CYP2C18: variants seen among roughly 807,000 people sequenced by gnomAD.
CYP2C18 encodes cytochrome P450 family 2 subfamily C member 18.
A neutral mutation model predicts 41.3 loss-of-function variants in CYP2C18; 38 were observed. The observed-to-expected ratio is 0.92, with a 90% CI of 0.71 to 1.21. The LOEUF (loss-of-function observed/expected upper bound fraction) is 1.21, where lower values mean the gene tolerates loss of function less well. Among genes scored for constraint, CYP2C18 ranks in the 50% most tolerant of loss-of-function variants. The probability of loss-of-function intolerance (pLI) is 0.00; values close to 1 mark genes in which losing one functional copy is unlikely to be tolerated. For synonymous variants in CYP2C18, 236 were observed against 210.0 expected (o/e 1.12, Z -1.07); for missense variants, 635 against 591.4 (o/e 1.07, Z -0.77).
At chr10:94,693,729 C>G (rs905367610) in intron 3 of CYP2C18, among the ~76,000 whole-genome samples, 2 of 152,200 alleles carry the variant, frequency 1.3e-5, no homozygotes, top group Admixed American at 1.3e-4. Flanking sequence ...GAGCAGTTAA[C>G]TAAACAGGGT....
intron 4 of CYP2C18, among the ~76,000 whole-genome samples, chr10:94,695,478 A>G (rs940214986): frequency 2.0e-5 from 3 of 152,150 alleles, no homozygotes; most frequent in Non-Finnish European, 2.9e-5. Context: ...GAACTCTCTC[A>G]GCATTTGCTT....
chr10:94,733,671 G>A, intron 8 of CYP2C18: 3 of 891,440 alleles, frequency 3.4e-6, no homozygotes, highest in Non-Finnish European at 4.0e-6. Context: ...CTAGAATGTA[G>A]GTTAATTTAA....
Position 94,733,309 on chromosome 10 carries a change from A to G in CYP2C18, c.1162A>G (p.Ile388Val). 6.2e-7 allele frequency: 1 copy of G among 1,612,932 alleles called. No individual in the cohort carries two copies. Among genetic ancestry groups the G allele is most frequent in the South Asian group, 1.1e-5 (1 of 90,920 alleles). Residue 388 changes from isoleucine to valine, a missense_variant, in exon 8 of 9, where the codon ATA (isoleucine) becomes GTA (valine). Ile to Val is a conservative substitution (Grantham distance 29, BLOSUM62 3). Coordinates refer to ENST00000285979, the MANE Select transcript of CYP2C18 (RefSeq NM_000772.3). Reference sequence around the variant, plus strand: ...TTGCTATTTTCAGGGCACGACCATAATAACATCCCTGACTTCTGTGCTGCA... The same window carrying G: ...TTGCTATTTTCAGGGCACGACCATAGTAACATCCCTGACTTCTGTGCTGCA... ...NYLIPKGTTI[I>V]TSLTSVLHND...
At chr10:94,716,586 G>C (rs1455795169) in intron 5 of CYP2C18, among the ~76,000 whole-genome samples, 1 of 152,108 alleles carries the variant, frequency 6.6e-6, no homozygotes, top group Non-Finnish European at 1.5e-5. Context: ...TTGCTGAGGA[G>C]TGCTTTAATT....
intron 5 of CYP2C18, among the ~76,000 whole-genome samples, chr10:94,708,558 T>C (rs1847381993): frequency 6.6e-6 from 1 of 152,216 alleles, no homozygotes; most frequent in Non-Finnish European, 1.5e-5. Flanking sequence ...ATTTAGAATC[T>C]AGCTTATTTT....
chr10:94,694,981 T>C lies in CYP2C18; in HGVS notation c.546T>C (p.Ile182=). The C allele has an allele frequency of 1.9e-6, 3 of 1,613,370 alleles. No individual in the cohort carries two copies. Among genetic ancestry groups the C allele is most frequent in the Non-Finnish European group, 2.5e-6 (3 of 1,179,902 alleles). ...CAPCNVICSV[I]FHDRFDYKDQ... ...CCTGCAATGTGATCTGCTCTGTTAT[T>C]TTCCATGATCGATTTGATTATAAAG... Residue 182 remains isoleucine (I), a synonymous_variant, in exon 4 of 9, where the codon ATT becomes ATC. Transcript: ENST00000285979.
chr10:94,728,740 T>TA (rs925809149), intron 7 of CYP2C18: 1 of 174,156 alleles, frequency 5.7e-6, no homozygotes, highest in Admixed American at 7.0e-5. Flanking sequence ...TTCTCCTCAC[T>TA]TTTTTTTTTT....
intron 3 of CYP2C18, among the ~76,000 whole-genome samples, chr10:94,691,181 G>A (rs929509395): frequency 6.6e-6 from 1 of 152,160 alleles, no homozygotes; most frequent in African/African-American, 2.4e-5. Context: ...AGGGCAATCA[G>A]GCAGGAGAAG....
At chr10:94,685,812 G>T (rs1846877079) in intron 1 of CYP2C18, among the ~76,000 whole-genome samples, 1 of 152,032 alleles carries the variant, frequency 6.6e-6, no homozygotes, top group African/African-American at 2.4e-5. Context: ...AACATATTTT[G>T]CAGTTCAGTG....
At chr10:94,716,602 T>G (rs1451262196) in intron 5 of CYP2C18, among the ~76,000 whole-genome samples, 3 of 152,186 alleles carry the variant, frequency 2.0e-5, no homozygotes, top group Non-Finnish European at 4.4e-5. Flanking sequence ...TAATTCCAAC[T>G]ATGTGGTCAG....
Position 94,724,442 on chromosome 10 carries a change from A to G in CYP2C18, c.1058A>G (p.His353Arg), listed in dbSNP as rs567306349. 2.5e-5 allele frequency: 41 copies of G among 1,613,600 alleles called. 1 individual carries two copies. The Admixed American group carries it at 5.2e-4, about 20-fold the overall frequency. ...ATGCCCTACACAGATGCTGTGGTGC[A>G]CGAGATCCAGAGATACATTGACCTC... The part of the protein sequence containing the change: ...SHMPYTDAVV[H>R]EIQRYIDLLP... Residue 353 changes from histidine (H) to arginine (R), a missense_variant, in exon 7 of 9, where the codon CAC becomes CGC. Coordinates refer to ENST00000285979, the MANE Select transcript of CYP2C18 (RefSeq NM_000772.3).
chr10:94,722,783 G>C (rs535684328), intron 6 of CYP2C18, among the ~76,000 whole-genome samples: 31 of 152,150 alleles, frequency 2.0e-4, no homozygotes, highest in Non-Finnish European at 2.4e-4. Context: ...ACAGAGACTG[G>C]GAAAGAGTGA....
chr10:94,728,039 G>A (rs1052929691), intron 7 of CYP2C18, among the ~76,000 whole-genome samples: 3 of 151,922 alleles, frequency 2.0e-5, no homozygotes, highest in Non-Finnish European at 4.4e-5. Context: ...ATCTCTTATA[G>A]CTTTTTTTTG....
In CYP2C18 at chr10:94,720,328, T is replaced by C. The variant is rs539739160; in HGVS notation, c.820-68T>C. On this transcript the variant is annotated intron_variant, in intron 5 of 8. Transcript: ENST00000285979. The stretch of plus-strand genomic sequence containing the variant: ...TTATCTTTAGAACAACCTGATATAT[T>C]TTGGATTTTTTGTAATTTAATATGC... 245 of 1,395,732 alleles carry C rather than the reference T, an allele frequency of 1.8e-4. 1 individual carries two copies. The highest frequency in any genetic ancestry group is 2.3e-4 in the Non-Finnish European group (233 of 1,029,352). 86.5% of individuals were successfully genotyped at this position (1,395,732 alleles called of 1,614,324 possible). A position where few individuals can be genotyped will look rare whatever the true frequency, so the allele number is the denominator to read the frequency against.
chr10:94,703,548 C>T (rs1810312008), intron 4 of CYP2C18, among the ~76,000 whole-genome samples: 1 of 152,164 alleles, frequency 6.6e-6, no homozygotes, highest in Admixed American at 6.5e-5. Context: ...GGAAAACCGC[C>T]TACTCACACC....
chr10:94,687,297 T>G (rs1292735070), intron 1 of CYP2C18, among the ~76,000 whole-genome samples: 1 of 151,806 alleles, frequency 6.6e-6, no homozygotes, highest in Non-Finnish European at 1.5e-5. Flanking sequence ...ACAGGACTCC[T>G]GCATCAGGAT....
Position 94,688,527 on chromosome 10 carries a change from A to G in CYP2C18, c.481+253A>G, listed in dbSNP as rs79307531. On this transcript the variant is annotated intron_variant, in intron 3 of 8. Coordinates refer to ENST00000285979, the MANE Select transcript of CYP2C18 (RefSeq NM_000772.3). The stretch of plus-strand genomic sequence containing the variant: ...AATACTTTGACATTAACACACTGCT[A>G]TGTTCTCTAATGACATCCCTGGAAA... 2.7e-3 allele frequency among the ~76,000 whole-genome samples: 407 copies of G among 152,230 alleles called. 13 individuals are homozygous for G. In the East Asian group the frequency reaches 0.062, roughly 23 times the overall value.
At chr10:94,709,631 A>T (rs905505324) in intron 5 of CYP2C18, among the ~76,000 whole-genome samples, 1 of 152,078 alleles carries the variant, frequency 6.6e-6, no homozygotes, top group Non-Finnish European at 1.5e-5. Context: ...ATTTATTTGC[A>T]TGGTTTCTTG....
Position 94,688,238 on chromosome 10 carries a change from G to A in CYP2C18, c.445G>A (p.Ala149Thr). The change falls in exon 3 of 9, where the codon GCC becomes ACC. Residue 149 changes from alanine (A) to threonine (T), a missense_variant. By Grantham distance (58) the Ala-to-Thr change is moderately conservative. Transcript: ENST00000285979. ...CATCGAGGACCGTGTTCAAGAGGAAGCCCGCTGCCTTGTGGAGGAGTTGAG... is the reference window on the plus strand; with the variant it reads ...CATCGAGGACCGTGTTCAAGAGGAAACCCGCTGCCTTGTGGAGGAGTTGAG... The part of the protein sequence containing the change: ...RSIEDRVQEE[A>T]RCLVEELRKT... The A allele has an allele frequency of 6.2e-7, 1 of 1,613,544 alleles. No homozygotes were observed. Among genetic ancestry groups the A allele is most frequent in the African/African-American group, 1.3e-5 (1 of 74,994 alleles).
Sources: gnomAD v4.1 joint callset for allele counts (sites outside exome capture counted in the v4.1 genomes callset) on GRCh38, gnomAD v4.1.1 for gene constraint, MANE v1.5 for transcripts, NCBI Gene and HGNC (gene_info 2026-07-23, HGNC 2026-07-21) for gene names.